Variants in NRXN3 observed in about 807,000 individuals in gnomAD.
NRXN3 encodes the protein neurexin III.
NRXN3 carries 32 observed loss-of-function variants against 137.6 expected under a neutral mutation model. That is an observed-to-expected ratio of 0.23 (90% CI 0.18 to 0.31). NRXN3 has a LOEUF of 0.31. NRXN3 is among the 10% of genes least tolerant of loss of function. The pLI is 1.00. For missense variants in NRXN3, 1,574 were observed against 2,062.5 expected, an observed-to-expected ratio of 0.76 and a Z score of 4.59; for synonymous variants, 798 against 784.5, an observed-to-expected ratio of 1.02 and a Z score of -0.29.
At chr14:78,752,341 A>G (rs1402443309) in intron 8 of NRXN3, among the ~76,000 whole-genome samples, 2 of 152,214 alleles carry the variant, frequency 1.3e-5, no homozygotes, top group Non-Finnish European at 2.9e-5. Flanking sequence ...ACTTGAACCC[A>G]GGAGGCGGAG....
At chr14:79,785,416 T>G (rs1489303583) in intron 19 of NRXN3, among the ~76,000 whole-genome samples, 1 of 152,218 alleles carries the variant, frequency 6.6e-6, no homozygotes, top group East Asian at 1.9e-4. Flanking sequence ...AATGAGTCTC[T>G]TATTCCCATT....
intron 19 of NRXN3, among the ~76,000 whole-genome samples, chr14:79,727,275 G>T (rs756146661): frequency 9.3e-6 from 1 of 107,360 alleles, no homozygotes. Flanking sequence ...GTTGGCTTCC[G>T]GTAAATTGCA....
intron 8 of NRXN3, among the ~76,000 whole-genome samples, chr14:78,780,017 G>T (rs188080728): frequency 8.9e-4 from 135 of 152,102 alleles, no homozygotes; most frequent in Non-Finnish European, 1.6e-3. Context: ...TTGGGGGTGG[G>T]GAAAAACCCA....
At chr14:79,475,888 T>C (rs538966792) in intron 16 of NRXN3, among the ~76,000 whole-genome samples, 1 of 152,274 alleles carries the variant, frequency 6.6e-6, no homozygotes, top group South Asian at 2.1e-4. Context: ...GTTATCAAGC[T>C]AGCTGAATAA....
At chr14:78,560,270 G>A (rs969144343) in intron 4 of NRXN3, among the ~76,000 whole-genome samples, 7 of 152,082 alleles carry the variant, frequency 4.6e-5, no homozygotes, top group Admixed American at 3.9e-4. Context: ...GAACATACTG[G>A]ATTTTTCCCC....
At chr14:79,252,072 G>A (rs573032873) in intron 15 of NRXN3, among the ~76,000 whole-genome samples, 7 of 152,158 alleles carry the variant, frequency 4.6e-5, no homozygotes, top group African/African-American at 1.7e-4. Flanking sequence ...ACACTAAGTA[G>A]CTAATCCTTT....
chr14:79,600,207 T>G (rs1009840193), intron 16 of NRXN3, among the ~76,000 whole-genome samples: 3 of 152,312 alleles, frequency 2.0e-5, no homozygotes, highest in East Asian at 3.9e-4. Flanking sequence ...CATGCTGCTA[T>G]GTCTACTTAT....
At chr14:79,665,871 C>A (rs1413192910) in intron 17 of NRXN3, among the ~76,000 whole-genome samples, 2 of 152,116 alleles carry the variant, frequency 1.3e-5, no homozygotes, top group Non-Finnish European at 2.9e-5. Flanking sequence ...TCTTTAATAG[C>A]ATTGCTCCCT....
intron 16 of NRXN3, among the ~76,000 whole-genome samples, chr14:79,653,926 G>A (rs1053198755): frequency 1.3e-5 from 2 of 152,174 alleles, no homozygotes; most frequent in East Asian, 1.9e-4. Context: ...ACCTGTGCAC[G>A]TACTGCACCT....
At chr14:78,745,032 T>C (rs2098600806) in intron 8 of NRXN3, 1 of 152,226 alleles carries the variant, frequency 6.6e-6, no homozygotes, top group South Asian at 2.1e-4. Flanking sequence ...GACACTGATG[T>C]AGAAAACCAT....
intron 2 of NRXN3, among the ~76,000 whole-genome samples, chr14:78,256,763 T>G (rs1406376192): frequency 6.6e-6 from 1 of 152,270 alleles, no homozygotes; most frequent in African/African-American, 2.4e-5. Context: ...TGCAAGTTTT[T>G]AAATAAGTAA....
chr14:78,810,129 C>T (rs190332677), intron 9 of NRXN3, among the ~76,000 whole-genome samples, 189 bp from the exon 10 acceptor site: 1 of 150,210 alleles, frequency 6.7e-6, no homozygotes, highest in Non-Finnish European at 1.5e-5. Flanking sequence ...ATATATGTAT[C>T]CAACTTTACT....
At chr14:78,813,910 A>C (rs970388230) in intron 10 of NRXN3, among the ~76,000 whole-genome samples, 1 of 152,176 alleles carries the variant, frequency 6.6e-6, no homozygotes, top group African/African-American at 2.4e-5. Flanking sequence ...GCCCAGTTCC[A>C]TGCCAAGTAT....
intron 15 of NRXN3, among the ~76,000 whole-genome samples, chr14:79,302,024 T>C (rs1327473432): frequency 6.6e-6 from 1 of 152,014 alleles, no homozygotes; most frequent in Non-Finnish European, 1.5e-5. Context: ...AAACACTCCT[T>C]TTCTTCTGAC....
In NRXN3 at chr14:78,434,430, A is replaced by G. The variant is rs74931816; in HGVS notation, c.757+136570A>G. ...TCATATTGGATTTAGGCCAACCCTA[A>G]TGACCCCATCATAACTAATTACATC... On this transcript the variant is annotated intron_variant, in intron 4 of 20. Coordinates refer to ENST00000335750, the MANE Select transcript of NRXN3 (RefSeq NM_001330195.2). Among the ~76,000 whole-genome samples the G allele has an allele frequency of 2.8e-3, 431 of 152,250 alleles. 4 individuals are homozygous for G. Among genetic ancestry groups the G allele is most frequent in the African/African-American group, 9.8e-3 (407 of 41,552 alleles).
Position 78,485,666 on chromosome 14 carries a change from C to A in NRXN3, c.758-159454C>A, listed in dbSNP as rs371961710. ...TTTGAGAGATTCAGAGAGCCCTTGG[C>A]CACTTTATTTTCTTTACTTTTGTTT... is the stretch of plus-strand genomic sequence containing the variant. On this transcript the variant is annotated intron_variant, in intron 4 of 20. Transcript: ENST00000335750. Among the ~76,000 whole-genome samples the A allele has an allele frequency of 7.9e-5, 12 of 152,280 alleles. No individual in the cohort carries two copies. The East Asian group carries it at 1.3e-3, about 17-fold the overall frequency.
intron 4 of NRXN3, among the ~76,000 whole-genome samples, chr14:78,590,898 AAAAC>A (rs529737555): frequency 1.1e-4 from 16 of 152,152 alleles, no homozygotes; most frequent in African/African-American, 1.7e-4. Flanking sequence ...ACTCTGTCTC[AAAAC>A]AAACAAACAA....
intron 15 of NRXN3, among the ~76,000 whole-genome samples, chr14:79,273,181 A>T (rs10147086): frequency 0.24 from 32,541 of 137,802 alleles, 2,479 homozygotes; most frequent in Admixed American, 0.35. Flanking sequence ...CCAAAAAAAA[A>T]AAAAAAAAAA....
intron 14 of NRXN3, among the ~76,000 whole-genome samples, chr14:78,978,482 G>A (rs139591024): frequency 0.018 from 2,728 of 152,040 alleles, 38 homozygotes; most frequent in Non-Finnish European, 0.026. Context: ...CAGTTAAAAT[G>A]AATAGATCTT....
Sources: gnomAD v4.1 joint callset for allele counts (sites outside exome capture counted in the v4.1 genomes callset) on GRCh38, gnomAD v4.1.1 for gene constraint, MANE v1.5 for transcripts, NCBI Gene and HGNC (gene_info 2026-07-23, HGNC 2026-07-21) for gene names.